The following LRP2 variants were observed in gnomAD, a reference collection of about 807,000 sequenced individuals.
LRP2 encodes low-density lipoprotein receptor-related protein 2.
A neutral mutation model predicts 531.0 loss-of-function variants in LRP2; 172 were observed. That is an observed-to-expected ratio of 0.32 (90% confidence interval 0.29 to 0.37). The LOEUF is 0.37. Among genes scored for constraint, LRP2 ranks in the 10% least tolerant of loss-of-function variants. The pLI is 1.00. For synonymous variants in LRP2, 1,992 were observed against 2,027.6 expected, an observed-to-expected ratio of 0.98 and a Z score of 0.47; for missense variants, 5,167 against 5,868.3, an observed-to-expected ratio of 0.88 and a Z score of 3.90.
rs911625687 is a variant in LRP2 at position 169,169,800 on chromosome 2, G to C, written c.11399C>G (p.Pro3800Arg). Residue 3800 changes from proline to arginine, a missense_variant, in exon 60 of 79, where the codon CCT becomes CGT. Coordinates refer to ENST00000649046, the MANE Select transcript of LRP2 (RefSeq NM_004525.3). ...TCCACTTGTACACTGAAAATATTCAGGATGGCAGGTCCTCATCTCTGAAGA... is the reference window on the plus strand; with the variant it reads ...TCCACTTGTACACTGAAAATATTCACGATGGCAGGTCCTCATCTCTGAAGA... The part of the protein sequence containing the change: ...ERDCEMRTCH[P>R]EYFQCTSGHC... 1.9e-6 allele frequency: 3 copies of C among 1,612,770 alleles called. No homozygotes were observed. The highest frequency in any genetic ancestry group is 1.7e-4 in the Middle Eastern group (1 of 6,058).
At chr2:169,290,767 A>G (rs1683978550) in intron 8 of LRP2, 78 bp downstream of exon 8, 4 of 1,457,724 alleles carry the variant, frequency 2.7e-6, no homozygotes, top group Non-Finnish European at 3.8e-6. Flanking sequence ...GCCAACAGAT[A>G]CACTGTATTT....
intron 48 of LRP2, 67 bp from the exon 49 acceptor site, chr2:169,188,332 G>A: frequency 6.6e-6 from 10 of 1,516,864 alleles, no homozygotes; most frequent in Non-Finnish European, 9.1e-6. Context: ...TACCCACTTG[G>A]GGTTTTGCTT....
intron 56 of LRP2, among the ~76,000 whole-genome samples, 177 bp from the exon 57 acceptor site, chr2:169,173,401 C>T (rs1313958358): frequency 6.6e-6 from 1 of 152,174 alleles, no homozygotes; most frequent in African/African-American, 2.4e-5. Context: ...AAAAATAGTC[C>T]TAAGTTTTCT....
At chr2:169,186,527 T>A (rs1687642017) in intron 49 of LRP2, among the ~76,000 whole-genome samples, 1 of 152,326 alleles carries the variant, frequency 6.6e-6, no homozygotes, top group African/African-American at 2.4e-5. Flanking sequence ...CCAAAAATGA[T>A]CTACAGAGGG....
chr2:169,165,991 T>C lies in LRP2; in HGVS notation c.11699A>G (p.His3900Arg), dbSNP rs1157571104. Reference protein sequence around the residue: ...RCDNNRCIYSHEVCNGVDDCG... With the variant: ...RCDNNRCIYSREVCNGVDDCG... Reference sequence around the variant, plus strand: ...GTCATCCACACCATTGCACACCTCATGACTATAAATGCAGCGATTGTTGTC... The same window carrying C: ...GTCATCCACACCATTGCACACCTCACGACTATAAATGCAGCGATTGTTGTC... The change falls in exon 62 of 79, where the codon CAT becomes CGT. Residue 3900 changes from histidine to arginine, a missense_variant. Coordinates refer to ENST00000649046, the MANE Select transcript of LRP2 (RefSeq NM_004525.3). The C allele has an allele frequency of 6.2e-7, 1 of 1,614,060 alleles. No individual in the cohort carries two copies. Among genetic ancestry groups the C allele is most frequent in the Admixed American group, 1.7e-5 (1 of 60,010 alleles).
At chr2:169,239,258 ATAAAAGCCATT>A (rs1689718388) in intron 26 of LRP2, among the ~76,000 whole-genome samples, 1 of 152,206 alleles carries the variant, frequency 6.6e-6, no homozygotes, top group East Asian at 1.9e-4. Flanking sequence ...TTTAAATTAT[ATAAAAGCCATT>A]TGGTATTATT....
chr2:169,259,645 C>A (rs956627832), intron 16 of LRP2, among the ~76,000 whole-genome samples: 1 of 151,866 alleles, frequency 6.6e-6, no homozygotes, highest in African/African-American at 2.4e-5. Flanking sequence ...TCGCCCAACC[C>A]TCTCATCAAC....
chr2:169,328,471 AAAAG>A (rs1685182533), intron 1 of LRP2, among the ~76,000 whole-genome samples: 1 of 149,878 alleles, frequency 6.7e-6, no homozygotes, highest in African/African-American at 2.4e-5. Context: ...AAAAGAAAAA[AAAAG>A]AAATAAATAA....
chr2:169,336,258 C>T (rs1313631017), intron 1 of LRP2, among the ~76,000 whole-genome samples: 1 of 151,980 alleles, frequency 6.6e-6, no homozygotes, highest in African/African-American at 2.4e-5. Context: ...AGGAATGAGG[C>T]CAGGCGCAGT....
rs1405024259 is a variant in LRP2 at position 169,207,093 on chromosome 2, A to G, written c.6627T>C (p.Tyr2209=). The G allele has an allele frequency of 6.2e-7, 1 of 1,613,270 alleles. No homozygotes were observed. Among genetic ancestry groups the G allele is most frequent in the Admixed American group, 1.7e-5 (1 of 59,976 alleles). ...PKNRYLFWAD[Y]GQRPKIERSF... is the part of the protein sequence containing the mutation. Reference sequence around the variant, plus strand: ...AACGCTCAATCTTTGGTCTCTGCCCATAGTCAGCCCAGAAGAGGTATCTGT... The same window carrying G: ...AACGCTCAATCTTTGGTCTCTGCCCGTAGTCAGCCCAGAAGAGGTATCTGT... Residue 2209 remains tyrosine, a synonymous_variant, in exon 39 of 79, where the codon TAT becomes TAC. Transcript: ENST00000649046.
At chr2:169,181,006 T>C (rs139579867) in intron 52 of LRP2, among the ~76,000 whole-genome samples, 27 of 152,348 alleles carry the variant, frequency 1.8e-4, no homozygotes, top group African/African-American at 6.0e-4. Flanking sequence ...TGCACTGCAC[T>C]TAACCATAAA....
At chr2:169,288,888 C>A in intron 9 of LRP2, 138 bp downstream of exon 9, 4 of 1,342,516 alleles carry the variant, frequency 3.0e-6, no homozygotes, top group Middle Eastern at 2.6e-4. Context: ...GCCAGGTTTT[C>A]TGTGAGGTCT....
Position 169,204,210 on chromosome 2 carries a change from C to T in LRP2, c.7777G>A (p.Val2593Ile), listed in dbSNP as rs780178609. ...TAGAGAGTCAAGCCAAAAGCATGAA[C>T]GGCTGCATTGACAATGACTTCACGA... is the stretch of plus-strand genomic sequence containing the variant. ...VDREVIVNAA[V>I]HAFGLTLYGQ... Residue 2593 changes from valine (V) to isoleucine (I), a missense_variant, in exon 42 of 79, where the codon GTT (valine) becomes ATT (isoleucine). Coordinates refer to ENST00000649046, the MANE Select transcript of LRP2 (RefSeq NM_004525.3). 1.2e-5 allele frequency: 19 copies of T among 1,613,932 alleles called. No individual in the cohort carries two copies. Among genetic ancestry groups the T allele is most frequent in the African/African-American group, 4.0e-5 (3 of 74,888 alleles).
rs150618466 is a variant in LRP2, at chr2:169,241,201, A to G, written c.3832T>C (p.Cys1278Arg). 8 of 1,614,076 alleles carry G rather than the reference A, an allele frequency of 5.0e-6. No homozygotes were observed. Among genetic ancestry groups the G allele is most frequent in the Non-Finnish European group, 6.8e-6 (8 of 1,180,036 alleles). ...PKTCPSSYFH[C>R]DNGNCIHRAW... ...CTGTGGATGCAGTTTCCGTTGTCACAGTGGAAATATGATGAAGGGCAAGTC... is the reference window on the plus strand; with the variant it reads ...CTGTGGATGCAGTTTCCGTTGTCACGGTGGAAATATGATGAAGGGCAAGTC... The change falls in exon 25 of 79, where the codon TGT becomes CGT. Residue 1278 changes from cysteine to arginine, a missense_variant. Cys to Arg is a radical substitution (Grantham distance 180). Transcript: ENST00000649046.
intron 1 of LRP2, among the ~76,000 whole-genome samples, chr2:169,347,526 TAAAATTG>T (rs1378634213): frequency 1.3e-5 from 2 of 151,646 alleles, no homozygotes; most frequent in African/African-American, 2.4e-5. Context: ...AACGGAAGGT[TAAAATTG>T]AACTCTCTGA....
At chr2:169,182,365 A>C in intron 50 of LRP2, 46 bp from the exon 51 acceptor site, 1 of 1,608,582 alleles carries the variant, frequency 6.2e-7, no homozygotes, top group Non-Finnish European at 8.5e-7. Context: ...ACTTTGTGAA[A>C]TGGTACATAT....
At chr2:169,323,700 A>G (rs893630301) in intron 1 of LRP2, among the ~76,000 whole-genome samples, 5 of 152,064 alleles carry the variant, frequency 3.3e-5, no homozygotes, top group African/African-American at 4.8e-5. Flanking sequence ...AAAAATCTAC[A>G]TAGAACCAGC....
intron 14 of LRP2, among the ~76,000 whole-genome samples, chr2:169,274,729 T>C (rs528327524): frequency 6.6e-6 from 1 of 152,230 alleles, no homozygotes; most frequent in South Asian, 2.1e-4. Context: ...TGAGGATAGG[T>C]ATTTTGGTTT....
intron 61 of LRP2, 44 bp downstream of exon 61, chr2:169,168,495 A>G: frequency 6.2e-7 from 1 of 1,612,572 alleles, no homozygotes; most frequent in Non-Finnish European, 8.5e-7. Context: ...ATGAGATTTG[A>G]CAGACAACAC....
Sources: gnomAD v4.1 joint callset for allele counts (sites outside exome capture counted in the v4.1 genomes callset) on GRCh38, gnomAD v4.1.1 for gene constraint, MANE v1.5 for transcripts, NCBI Gene and HGNC (gene_info 2026-07-23, HGNC 2026-07-21) for gene names.